Variants in USH2A observed in about 807,000 individuals in gnomAD.
The protein encoded by USH2A is usherin, also known as Usher syndrome 2A (autosomal recessive, mild).
USH2A carries 443 observed loss-of-function variants against 538.9 expected under a neutral mutation model. The observed-to-expected ratio is 0.82, with a 90% CI of 0.76 to 0.89. USH2A has a LOEUF of 0.89. Among genes scored for constraint, USH2A ranks in the 40% least tolerant of loss-of-function variants. The pLI is 0.00. For missense variants in USH2A, 6,633 were observed against 6,324.8 expected (o/e 1.05, Z -1.65); for synonymous variants, 2,413 against 2,273.5 (o/e 1.06, Z -1.75).
chr1:216,262,024 T>C (rs1315906494), intron 11 of USH2A, among the ~76,000 whole-genome samples: 1 of 152,146 alleles, frequency 6.6e-6, no homozygotes, highest in African/African-American at 2.4e-5. Flanking sequence ...GGACCCAAGT[T>C]ATCACCCTCT....
chr1:216,050,565 T>TTTCC (rs1440220218), intron 30 of USH2A, among the ~76,000 whole-genome samples: 1,046 of 35,276 alleles, frequency 0.03, 39 homozygotes, highest in African/African-American at 0.085. Context: ...TATCTTTTTC[T>TTTCC]TTCTTTCTTT....
chr1:215,776,352 G>A (rs561293816), intron 55 of USH2A, among the ~76,000 whole-genome samples: 11 of 152,234 alleles, frequency 7.2e-5, no homozygotes, highest in African/African-American at 2.6e-4. Context: ...ATTAACCGAG[G>A]ACTTCCTGTC....
In USH2A at chr1:215,728,068, T is replaced by C. The variant is rs765237520; in HGVS notation, c.12028A>G (p.Thr4010Ala). 3.1e-6 allele frequency: 5 copies of C among 1,614,198 alleles called. No individual in the cohort carries two copies. Among genetic ancestry groups the C allele is most frequent in the Non-Finnish European group, 3.4e-6 (4 of 1,180,050 alleles). The change falls in exon 61 of 72, where the codon ACA (threonine) becomes GCA (alanine). Residue 4010 changes from threonine (T) to alanine (A), a missense_variant. Transcript: ENST00000307340. ...GCATGCACGGTAGGGCTGTTAAATG[T>C]AGGATCGTCGGGTCTCTCCTGGTAG... ...VVYQERPDDP[T>A]FNSPTVHAFT...
At chr1:216,151,594 C>T (rs1012300554) in intron 21 of USH2A, among the ~76,000 whole-genome samples, 1 of 152,192 alleles carries the variant, frequency 6.6e-6, no homozygotes, top group African/African-American at 2.4e-5. Flanking sequence ...TAGCATCACA[C>T]ACATATCACA....
chr1:216,222,613 T>G (rs996749350), intron 14 of USH2A, among the ~76,000 whole-genome samples: 2 of 152,074 alleles, frequency 1.3e-5, no homozygotes, highest in African/African-American at 4.8e-5. Context: ...AGAGAAAACA[T>G]GTAAGGACAT....
intron 32 of USH2A, among the ~76,000 whole-genome samples, chr1:216,040,177 A>G (rs919419577): frequency 1.3e-5 from 2 of 152,056 alleles, no homozygotes; most frequent in Non-Finnish European, 2.9e-5. Flanking sequence ...AGCAGTGGGA[A>G]GACACTATCT....
At chr1:216,366,860 A>C (rs1360715895) in intron 3 of USH2A, among the ~76,000 whole-genome samples, 1 of 151,550 alleles carries the variant, frequency 6.6e-6, no homozygotes, top group African/African-American at 2.4e-5. Flanking sequence ...GTAGGGCTGC[A>C]TTTTTTTTGC....
intron 21 of USH2A, among the ~76,000 whole-genome samples, chr1:216,130,568 A>T (rs1215036716): frequency 1.4e-5 from 2 of 143,832 alleles, no homozygotes; most frequent in African/African-American, 5.1e-5. Flanking sequence ...TATTATATAT[A>T]ATATATAATA....
intron 20 of USH2A, among the ~76,000 whole-genome samples, chr1:216,184,205 G>C (rs1223635104): frequency 1.3e-5 from 2 of 151,944 alleles, no homozygotes; most frequent in Non-Finnish European, 2.9e-5. Flanking sequence ...TAAATAATTG[G>C]ATAATTAGCC....
chr1:216,220,802 A>G lies in USH2A; in HGVS notation c.2994-3252T>C, dbSNP rs113228187. On this transcript the variant is annotated intron_variant, in intron 14 of 71. Coordinates refer to ENST00000307340, the MANE Select transcript of USH2A (RefSeq NM_206933.4). ...TGTTAAGTAAAATTGGTAGAATGGG[A>G]GGCCGAATTGAAAAGAGAAGGGAGG... is the stretch of plus-strand genomic sequence containing the variant. 4.1e-3 allele frequency among the ~76,000 whole-genome samples: 624 copies of G among 152,182 alleles called. 3 individuals carry two copies. The highest frequency in any genetic ancestry group is 0.014 in the Middle Eastern group (4 of 294).
chr1:215,956,338 A>G (rs1203092034), intron 37 of USH2A, among the ~76,000 whole-genome samples: 1 of 152,084 alleles, frequency 6.6e-6, no homozygotes, highest in South Asian at 2.1e-4. Context: ...AATCCCCCAA[A>G]TCACTTGTGG....
At chr1:216,359,075 A>T (rs971850925) in intron 4 of USH2A, among the ~76,000 whole-genome samples, 15 of 152,172 alleles carry the variant, frequency 9.9e-5, no homozygotes, top group African/African-American at 3.6e-4. Context: ...CTTCACGCAG[A>T]GTATTTTATA....
chr1:215,884,982 G>T (rs1463643286), intron 41 of USH2A, among the ~76,000 whole-genome samples: 2 of 151,888 alleles, frequency 1.3e-5, no homozygotes, highest in Non-Finnish European at 2.9e-5. Flanking sequence ...GGGCATCAAG[G>T]TTTACAGGCT....
At chr1:215,790,721 G>T (rs911627599) in intron 50 of USH2A, among the ~76,000 whole-genome samples, 1 of 152,204 alleles carries the variant, frequency 6.6e-6, no homozygotes, top group African/African-American at 2.4e-5. Context: ...GAGTGGAAAG[G>T]TAGCACCATC....
chr1:215,704,052 C>T (rs1425392189), intron 61 of USH2A, among the ~76,000 whole-genome samples: 4 of 152,206 alleles, frequency 2.6e-5, no homozygotes, highest in Admixed American at 2.6e-4. Flanking sequence ...CTCAAGGCTT[C>T]CTTTGGCTAG....
chr1:215,639,015 ACTCTG>A lies in USH2A; in HGVS notation c.15052+135_15052+139del. 4.5e-6 allele frequency: 4 copies of A among 880,802 alleles called. No homozygotes were observed. The African/African-American group carries it at 5.1e-5, about 11-fold the overall frequency. The allele number at this position is 880,802 out of a possible 1,614,324, so 54.6% of individuals were successfully genotyped here. On this transcript the variant is annotated intron_variant, in intron 69 of 71. Transcript: ENST00000307340. ...CAACAAAAAAAAAACAAAAAAAAAA[ACTCTG>A]ACAACACTTGGCACAATTTCTTCTG...
intron 21 of USH2A, among the ~76,000 whole-genome samples, chr1:216,166,449 A>G (rs763102856): frequency 6.0e-4 from 92 of 152,144 alleles, no homozygotes; most frequent in Non-Finnish European, 1.2e-3. Flanking sequence ...CTGGGAAACC[A>G]TTAAAAGGTT....
In USH2A at chr1:215,743,242, G is replaced by T. The variant is rs1309385276; in HGVS notation, c.11483C>A (p.Ser3828Tyr). The change falls in exon 59 of 72, where the codon TCC becomes TAC. Residue 3828 changes from serine to tyrosine, a missense_variant. Physicochemically the swap from Ser to Tyr is moderately radical, Grantham distance 144 (BLOSUM62 -2). Coordinates refer to ENST00000307340, the MANE Select transcript of USH2A (RefSeq NM_206933.4). ...PLAFSVGHHQ[S>Y]TLLENLTPFT... ...TGGAGTCAAATTTTCCAGAAGGGTG[G>T]ATTGATGATGACCAACGGAGAAGGC... 1.9e-6 allele frequency: 3 copies of T among 1,612,246 alleles called. No individual in the cohort carries two copies. Among genetic ancestry groups the T allele is most frequent in the East Asian group, 2.2e-5 (1 of 44,754 alleles).
intron 21 of USH2A, among the ~76,000 whole-genome samples, chr1:216,165,102 T>C (rs1223227647): frequency 1.3e-5 from 2 of 152,152 alleles, no homozygotes; most frequent in African/African-American, 4.8e-5. Flanking sequence ...GAAATAGAAT[T>C]CAATCAGCAT....
Sources: gnomAD v4.1 joint callset for allele counts (sites outside exome capture counted in the v4.1 genomes callset) on GRCh38, gnomAD v4.1.1 for gene constraint, MANE v1.5 for transcripts, NCBI Gene and HGNC (gene_info 2026-07-23, HGNC 2026-07-21) for gene names.